LOC128462377: variants seen among roughly 807,000 people sequenced by gnomAD.
At chr16:89,349,782 T>A in the LOC128462377 span, among the ~76,000 whole-genome samples, 2 of 151,834 alleles carry the variant, frequency 1.3e-5, no homozygotes, top group South Asian at 2.1e-4. Flanking sequence ...ACTATGAAGT[T>A]GGACTTCATC....
At chr16:89,367,484 G>A in the LOC128462377 span, among the ~76,000 whole-genome samples, 1 of 152,158 alleles carries the variant, frequency 6.6e-6, no homozygotes, top group Non-Finnish European at 1.5e-5. Flanking sequence ...CAAACAACCC[G>A]GAGTGTACAG....
chr16:89,320,931 G>A, the LOC128462377 span, among the ~76,000 whole-genome samples: 4 of 152,332 alleles, frequency 2.6e-5, no homozygotes, highest in East Asian at 1.9e-4. Context: ...CAGGACAGAC[G>A]TGACAGGAAC....
chr16:89,331,813 C>A, the LOC128462377 span, among the ~76,000 whole-genome samples: 2 of 152,142 alleles, frequency 1.3e-5, no homozygotes. Flanking sequence ...TTCATTTAGT[C>A]TAAGATACGG....
chr16:89,343,645 C>G, the LOC128462377 span: 1 of 152,228 alleles, frequency 6.6e-6, no homozygotes, highest in Non-Finnish European at 1.5e-5. Flanking sequence ...AGCAACTGGC[C>G]GGAACTTGGT....
the LOC128462377 span, among the ~76,000 whole-genome samples, chr16:89,395,299 C>A: frequency 6.6e-6 from 1 of 152,238 alleles, no homozygotes; most frequent in Non-Finnish European, 1.5e-5. Context: ...TGGACTCTTT[C>A]CAGCTCCGTA....
the LOC128462377 span, among the ~76,000 whole-genome samples, chr16:89,410,935 C>A: frequency 1.3e-5 from 2 of 152,256 alleles, no homozygotes; most frequent in Admixed American, 1.3e-4. Context: ...CAGAGCTGGG[C>A]AGCTCCTGCT....
At chr16:89,325,334 A>T in the LOC128462377 span, among the ~76,000 whole-genome samples, 1 of 152,094 alleles carries the variant, frequency 6.6e-6, no homozygotes, top group South Asian at 2.1e-4. Context: ...GCTACCAGGG[A>T]GGCTAAGGCA....
the LOC128462377 span, among the ~76,000 whole-genome samples, chr16:89,320,845 C>T: frequency 6.6e-6 from 1 of 152,232 alleles, no homozygotes; most frequent in Non-Finnish European, 1.5e-5. Flanking sequence ...CTCCACACTG[C>T]GAGAGCCCCT....
chr16:89,353,822 A>G, the LOC128462377 span, among the ~76,000 whole-genome samples: 147,528 of 152,298 alleles, frequency 0.97, 71,487 homozygotes, highest in East Asian at 1. Flanking sequence ...CATGATCAAC[A>G]GCCACTATGG....
At chr16:89,324,053 T>C in the LOC128462377 span, 16 of 243,154 alleles carry the variant, frequency 6.6e-5, no homozygotes, top group Non-Finnish European at 1.2e-4. Context: ...GGTTTCACCA[T>C]GTTGGCCAGG....
At chr16:89,410,085 C>T in the LOC128462377 span, among the ~76,000 whole-genome samples, 29 of 152,272 alleles carry the variant, frequency 1.9e-4, no homozygotes, top group East Asian at 5.6e-3. Context: ...GTGATCCGCC[C>T]GCCTCGGCCT....
At chr16:89,324,298 C>T in the LOC128462377 span, 1 of 1,267,078 alleles carries the variant, frequency 7.9e-7, no homozygotes, top group Non-Finnish European at 1.0e-6. Context: ...ACACGGACCA[C>T]CCGACAGGAG....
the LOC128462377 span, among the ~76,000 whole-genome samples, chr16:89,386,716 GT>G: frequency 2.0e-5 from 3 of 152,196 alleles, no homozygotes; most frequent in Non-Finnish European, 4.4e-5. Context: ...AGCTACTCAA[GT>G]TTTTTATTAA....
chr16:89,401,662 C>T, the LOC128462377 span, among the ~76,000 whole-genome samples: 1 of 152,154 alleles, frequency 6.6e-6, no homozygotes, highest in African/African-American at 2.4e-5. Flanking sequence ...ACACCACAGA[C>T]GATGGCCTTC....
the LOC128462377 span, among the ~76,000 whole-genome samples, chr16:89,337,007 CAAAAAAAAAAA>C: frequency 0.015 from 709 of 47,770 alleles, 15 homozygotes; most frequent in African/African-American, 0.051. Flanking sequence ...CTGGCTCTAC[CAAAAAAAAAAA>C]AAAAAAAAAA....
At chr16:89,342,222 G>C in the LOC128462377 span, among the ~76,000 whole-genome samples, 9 of 152,264 alleles carry the variant, frequency 5.9e-5, no homozygotes, top group African/African-American at 2.2e-4. Flanking sequence ...GAGAGAAAAA[G>C]ATGAGGTCAA....
the LOC128462377 span, among the ~76,000 whole-genome samples, chr16:89,380,050 C>G: frequency 6.6e-6 from 1 of 152,194 alleles, no homozygotes; most frequent in African/African-American, 2.4e-5. Context: ...TGAAGCTCCT[C>G]TGCCACCAGA....
the LOC128462377 span, among the ~76,000 whole-genome samples, chr16:89,411,128 G>A: frequency 6.6e-6 from 1 of 152,268 alleles, no homozygotes; most frequent in Non-Finnish European, 1.5e-5. Context: ...CAGGGCAGAA[G>A]GCAGCAGCAC....
the LOC128462377 span, among the ~76,000 whole-genome samples, chr16:89,383,570 C>T: frequency 2.0e-5 from 3 of 152,248 alleles, no homozygotes; most frequent in South Asian, 2.1e-4. Flanking sequence ...GAACAAAGCA[C>T]GGCCAGGAAT....
Sources: gnomAD v4.1 joint callset for allele counts (sites outside exome capture counted in the v4.1 genomes callset) on GRCh38, gnomAD v4.1.1 for gene constraint, MANE v1.5 for transcripts.